Variants in ENOX1 observed in about 807,000 individuals in gnomAD.
ENOX1 encodes candidate growth-related and time keeping constitutive hydroquinone (NADH) oxidase.
A neutral mutation model predicts 82.5 loss-of-function variants in ENOX1; 42 were observed. The ratio of observed to expected loss-of-function variants is 0.51; its 90% CI spans 0.40 to 0.66. The LOEUF (loss-of-function observed/expected upper bound fraction) is 0.66. Ranked by LOEUF, ENOX1 falls within the 30% of genes least tolerant of loss-of-function variation. The pLI is 0.00. For missense variants in ENOX1, 608 were observed against 811.6 expected, an observed-to-expected ratio of 0.75 and a Z score of 3.05; for synonymous variants, 271 against 282.2, an observed-to-expected ratio of 0.96 and a Z score of 0.40.
intron 15 of ENOX1, among the ~76,000 whole-genome samples, chr13:43,235,163 G>A (rs1048548841): frequency 9.9e-5 from 15 of 152,254 alleles, no homozygotes; most frequent in East Asian, 3.9e-4. Context: ...ATATGGGTTC[G>A]TTTTGGGTTC....
intron 1 of ENOX1, among the ~76,000 whole-genome samples, chr13:43,735,193 A>T (rs1440941199): frequency 1.3e-5 from 2 of 152,224 alleles, no homozygotes; most frequent in Non-Finnish European, 2.9e-5. Context: ...GTTTAAATGT[A>T]TCAGAAAGCA....
chr13:43,765,307 G>C (rs1229749170), intron 1 of ENOX1, among the ~76,000 whole-genome samples: 2 of 152,108 alleles, frequency 1.3e-5, no homozygotes, highest in Non-Finnish European at 2.9e-5. Flanking sequence ...ACCTTTCCAA[G>C]CCTCATCTTC....
intron 5 of ENOX1, among the ~76,000 whole-genome samples, chr13:43,403,646 A>G (rs1056244834): frequency 2.6e-5 from 4 of 152,088 alleles, no homozygotes; most frequent in Non-Finnish European, 5.9e-5. Context: ...CAGGAGTTAG[A>G]GCCCAGCCTG....
chr13:43,734,601 G>A (rs1453650193), intron 1 of ENOX1, among the ~76,000 whole-genome samples: 1 of 152,084 alleles, frequency 6.6e-6, no homozygotes, highest in Non-Finnish European at 1.5e-5. Flanking sequence ...TTTCACTCTC[G>A]TCATGTGTTT....
chr13:43,470,870 C>T (rs1015383167), intron 3 of ENOX1, among the ~76,000 whole-genome samples: 12 of 151,946 alleles, frequency 7.9e-5, no homozygotes, highest in Non-Finnish European at 2.9e-5. Flanking sequence ...TCAGACTGCA[C>T]CAAATATGGG....
chr13:43,381,471 T>A (rs1258525378), intron 5 of ENOX1, among the ~76,000 whole-genome samples: 634 of 137,536 alleles, frequency 4.6e-3, no homozygotes, highest in Non-Finnish European at 6.7e-3. Flanking sequence ...TTCTATCTTA[T>A]AAAAAAAAAA....
intron 3 of ENOX1, among the ~76,000 whole-genome samples, chr13:43,420,531 G>C (rs2054912475): frequency 1.3e-5 from 2 of 152,196 alleles, no homozygotes; most frequent in Non-Finnish European, 2.9e-5. Context: ...AGTGGAATCT[G>C]CAAGTTTAGG....
chr13:43,383,288 C>T (rs949566100), intron 5 of ENOX1, among the ~76,000 whole-genome samples: 1 of 152,088 alleles, frequency 6.6e-6, no homozygotes, highest in Non-Finnish European at 1.5e-5. Flanking sequence ...CTTCTCCCAA[C>T]TTGTTAAATT....
chr13:43,307,791 T>C (rs7320692), intron 11 of ENOX1, among the ~76,000 whole-genome samples: 145,172 of 152,330 alleles, frequency 0.95, 69,600 homozygotes, highest in East Asian at 1. Flanking sequence ...TGCTCGATGT[T>C]GTTGTGCATT....
chr13:43,501,471 T>G (rs1394511722), intron 2 of ENOX1, among the ~76,000 whole-genome samples: 1 of 151,696 alleles, frequency 6.6e-6, no homozygotes, highest in Non-Finnish European at 1.5e-5. Flanking sequence ...TGTTCTCAAG[T>G]GCATATAGAA....
chr13:43,627,602 C>T (rs1263935316), intron 2 of ENOX1, among the ~76,000 whole-genome samples: 2 of 151,982 alleles, frequency 1.3e-5, no homozygotes, highest in Non-Finnish European at 2.9e-5. Context: ...CTACATCAGA[C>T]AGGGTTATAA....
At chr13:43,719,248 C>G (rs2088379124) in intron 1 of ENOX1, among the ~76,000 whole-genome samples, 1 of 150,684 alleles carries the variant, frequency 6.6e-6, no homozygotes, top group South Asian at 2.1e-4. Flanking sequence ...GCAGTGTTAA[C>G]TGTGTTTTTA....
chr13:43,431,548 A>T (rs1000606254), intron 3 of ENOX1, among the ~76,000 whole-genome samples: 3 of 152,176 alleles, frequency 2.0e-5, no homozygotes, highest in African/African-American at 7.2e-5. Flanking sequence ...GTCATCCATG[A>T]GGGCACACTT....
At chr13:43,425,871 C>T (rs1397422784) in intron 3 of ENOX1, among the ~76,000 whole-genome samples, 1 of 152,128 alleles carries the variant, frequency 6.6e-6, no homozygotes, top group Non-Finnish European at 1.5e-5. Context: ...ACTGAGTGTG[C>T]ACCATTATGG....
chr13:43,541,172 T>G (rs1414738482), intron 2 of ENOX1, among the ~76,000 whole-genome samples: 3 of 105,108 alleles, frequency 2.9e-5, no homozygotes, highest in Non-Finnish European at 5.5e-5. Flanking sequence ...TTCTTCCCTC[T>G]GTTTTTTTTT....
chr13:43,358,996 G>C (rs1178684867), intron 7 of ENOX1, among the ~76,000 whole-genome samples: 1 of 152,256 alleles, frequency 6.6e-6, no homozygotes, highest in Non-Finnish European at 1.5e-5. Context: ...AGTTTGCACA[G>C]AATTTCGTGG....
chr13:43,618,978 T>A (rs1370287840), intron 2 of ENOX1, among the ~76,000 whole-genome samples: 1 of 12,572 alleles, frequency 8.0e-5, no homozygotes, highest in Non-Finnish European at 1.7e-4. Context: ...TAGTCCTAAA[T>A]TTTTTTTTTT....
At chr13:43,596,519 T>C (rs2081480640) in intron 2 of ENOX1, among the ~76,000 whole-genome samples, 1 of 152,248 alleles carries the variant, frequency 6.6e-6, no homozygotes, top group South Asian at 2.1e-4. Flanking sequence ...CCTTCCTATA[T>C]TTTTGAGTCA....
intron 1 of ENOX1, among the ~76,000 whole-genome samples, chr13:43,773,978 G>A (rs932613183): frequency 6.6e-6 from 1 of 152,052 alleles, no homozygotes; most frequent in Non-Finnish European, 1.5e-5. Context: ...AAAATAAAAT[G>A]TTAGTTATTC....
Sources: allele counts gnomAD v4.1 joint callset (sites outside exome capture counted in the v4.1 genomes callset), GRCh38; gene constraint gnomAD v4.1.1; transcripts MANE v1.5; gene names NCBI Gene and HGNC (gene_info 2026-07-23, HGNC 2026-07-21).